The following CTNNA3 variants were observed in gnomAD, a reference collection of about 807,000 sequenced individuals.
The protein encoded by CTNNA3 is catenin alpha-3.
A neutral mutation model predicts 95.7 loss-of-function variants in CTNNA3; 76 were observed. That is an observed-to-expected ratio of 0.79 (90% CI 0.66 to 0.96). The LOEUF is 0.96. CTNNA3 is among the 40% of genes least tolerant of loss of function. The probability of loss-of-function intolerance (pLI) is 0.00; values close to 1 mark genes in which losing one functional copy is unlikely to be tolerated. For synonymous variants in CTNNA3, 431 were observed against 374.4 expected (o/e 1.15, Z -1.74); for missense variants, 1,191 against 1,089.8 (o/e 1.09, Z -1.31).
intron 9 of CTNNA3, among the ~76,000 whole-genome samples, chr10:66,716,635 T>C (rs1332133232): frequency 2.0e-5 from 3 of 152,190 alleles, no homozygotes; most frequent in Non-Finnish European, 4.4e-5. Context: ...GTTTGTGTTT[T>C]TGTCATATGT....
chr10:66,334,645 T>C (rs1228591635), intron 12 of CTNNA3, among the ~76,000 whole-genome samples: 1 of 152,074 alleles, frequency 6.6e-6, no homozygotes, highest in Non-Finnish European at 1.5e-5. Context: ...ACCCGACTTT[T>C]CTCTCTGGCT....
At chr10:67,021,163 T>C (rs1369975235) in intron 7 of CTNNA3, among the ~76,000 whole-genome samples, 3 of 152,130 alleles carry the variant, frequency 2.0e-5, no homozygotes, top group Non-Finnish European at 2.9e-5. Context: ...GAAAGTAATT[T>C]AGGCAAAAGT....
rs115290838 is a variant in CTNNA3 at position 66,352,501 on chromosome 10, A to T, written c.1732+26651T>A. Among the ~76,000 whole-genome samples, 913 of 152,270 alleles carry T rather than the reference A, an allele frequency of 6.0e-3. 8 individuals carry two copies. Among genetic ancestry groups the T allele is most frequent in the African/African-American group, 0.021 (859 of 41,574 alleles). On this transcript the variant is annotated intron_variant, in intron 12 of 17. Coordinates refer to ENST00000433211, the MANE Select transcript of CTNNA3 (RefSeq NM_013266.4). ...TGGGGTCTGAAAGATGAAGGAAAACAGTGGTTCTCAGCACTGCATTGCGAT... is the reference window on the plus strand; with the variant it reads ...TGGGGTCTGAAAGATGAAGGAAAACTGTGGTTCTCAGCACTGCATTGCGAT...
intron 1 of CTNNA3, among the ~76,000 whole-genome samples, chr10:67,739,353 G>C (rs1220311158): frequency 6.6e-6 from 1 of 152,168 alleles, no homozygotes; most frequent in Non-Finnish European, 1.5e-5. Context: ...ATTAGGAAAA[G>C]AGGAAGTTAA....
chr10:67,635,789 A>T (rs1477497631), intron 2 of CTNNA3, among the ~76,000 whole-genome samples: 2 of 152,202 alleles, frequency 1.3e-5, no homozygotes, highest in Non-Finnish European at 2.9e-5. Context: ...ACTCCTATTC[A>T]ACATAGTATC....
intron 14 of CTNNA3, among the ~76,000 whole-genome samples, chr10:66,097,767 T>C (rs2081455078): frequency 6.6e-6 from 1 of 152,150 alleles, no homozygotes; most frequent in Non-Finnish European, 1.5e-5. Context: ...TGCTGCAACT[T>C]AAATAATTTC....
intron 11 of CTNNA3, among the ~76,000 whole-genome samples, chr10:66,470,673 G>T (rs1213838933): frequency 6.6e-6 from 1 of 151,754 alleles, no homozygotes; most frequent in Non-Finnish European, 1.5e-5. Flanking sequence ...AAAAGAGACA[G>T]ATAAGTAGGT....
chr10:67,408,882 CAAA>C (rs766212790), intron 5 of CTNNA3, among the ~76,000 whole-genome samples: 1,513 of 97,216 alleles, frequency 0.016, 19 homozygotes, highest in Middle Eastern at 0.05. Flanking sequence ...CTTAAATTTA[CAAA>C]AAAAAAAAAA....
chr10:67,633,123 A>C (rs1044598065), intron 2 of CTNNA3, among the ~76,000 whole-genome samples: 1 of 152,038 alleles, frequency 6.6e-6, no homozygotes, highest in Admixed American at 6.5e-5. Context: ...TTATAGCCAG[A>C]CTGATTCTTT....
intron 16 of CTNNA3, among the ~76,000 whole-genome samples, chr10:65,976,642 T>C (rs1266244269): frequency 6.6e-6 from 1 of 152,190 alleles, no homozygotes; most frequent in Non-Finnish European, 1.5e-5. Flanking sequence ...ATAAAAGTTA[T>C]TAAAGCCTTC....
In CTNNA3 at chr10:66,360,650, TCTTTCTTTCTTCCTTCCTTCCTTC is replaced by T. The variant is rs1211798114; in HGVS notation, c.1732+18478_1732+18501del. On this transcript the variant is annotated intron_variant, in intron 12 of 17. Transcript: ENST00000433211. Reference sequence around the variant, plus strand: ...TTCTTTCTTTCTTTCTTTCTTTCTTTCTTTCTTTCTTCCTTCCTTCCTTCCTTCCTTCCTTCCTTCCTTTTCTTT... The same window carrying T: ...TTCTTTCTTTCTTTCTTTCTTTCTTTCTTCCTTCCTTCCTTCCTTTTCTTT... Among the ~76,000 whole-genome samples the T allele has an allele frequency of 9.1e-3, 627 of 69,126 alleles. 35 individuals carry two copies. The highest frequency in any genetic ancestry group is 0.08 in the East Asian group (195 of 2,424). 45.3% of individuals were successfully genotyped at this position (69,126 alleles called of 152,430 possible).
intron 5 of CTNNA3, among the ~76,000 whole-genome samples, chr10:67,376,181 A>G (rs1330233526): frequency 6.6e-6 from 1 of 152,206 alleles, no homozygotes; most frequent in African/African-American, 2.4e-5. Context: ...TAAGACAGGG[A>G]GAAAGCAGTA....
At chr10:66,095,770 T>C (rs2081366095) in intron 14 of CTNNA3, among the ~76,000 whole-genome samples, 1 of 152,152 alleles carries the variant, frequency 6.6e-6, no homozygotes. Context: ...CTGTTGCTAT[T>C]GACGTTTTGA....
intron 1 of CTNNA3, chr10:67,750,636 TG>T: frequency 6.5e-7 from 1 of 1,548,004 alleles, no homozygotes; most frequent in Non-Finnish European, 8.9e-7. Flanking sequence ...GATACAAGTC[TG>T]GGGATGATTT....
At chr10:66,552,111 G>A (rs1036661932) in intron 10 of CTNNA3, among the ~76,000 whole-genome samples, 1 of 151,842 alleles carries the variant, frequency 6.6e-6, no homozygotes, top group Admixed American at 6.6e-5. Context: ...CATCGTGTTA[G>A]CCACGACGGT....
At chr10:67,284,346 T>G (rs1839512202) in intron 5 of CTNNA3, among the ~76,000 whole-genome samples, 1 of 152,152 alleles carries the variant, frequency 6.6e-6, no homozygotes, top group Non-Finnish European at 1.5e-5. Flanking sequence ...GTGAATTGAT[T>G]TAACGGAGAA....
At chr10:66,722,335 G>A (rs928662786) in intron 9 of CTNNA3, among the ~76,000 whole-genome samples, 11 of 144,030 alleles carry the variant, frequency 7.6e-5, no homozygotes, top group Admixed American at 2.7e-4. Flanking sequence ...CCTAGATTGC[G>A]ACACTGCACT....
intron 15 of CTNNA3, among the ~76,000 whole-genome samples, chr10:66,046,034 A>G (rs2133515465): frequency 6.6e-6 from 1 of 152,294 alleles, no homozygotes; most frequent in Non-Finnish European, 1.5e-5. Context: ...GGGGTGAGTA[A>G]TACAATGCCC....
chr10:66,263,303 A>T (rs531137490), intron 13 of CTNNA3, among the ~76,000 whole-genome samples: 4 of 152,132 alleles, frequency 2.6e-5, no homozygotes, highest in East Asian at 3.9e-4. Flanking sequence ...ATTCATAAGG[A>T]TATAAGAAAG....
Sources: gnomAD v4.1 joint callset for allele counts (sites outside exome capture counted in the v4.1 genomes callset) on GRCh38, gnomAD v4.1.1 for gene constraint, MANE v1.5 for transcripts, NCBI Gene and HGNC (gene_info 2026-07-23, HGNC 2026-07-21) for gene names.